Variants in RMDN2 observed in about 807,000 individuals in gnomAD.
The protein encoded by RMDN2 is regulator of microtubule dynamics protein 2.
RMDN2 carries 61 observed loss-of-function variants against 52.8 expected under a neutral mutation model. The observed-to-expected ratio is 1.16, with a 90% CI of 0.94 to 1.43. The LOEUF (loss-of-function observed/expected upper bound fraction) is 1.43, where lower values mean the gene tolerates loss of function less well. Among genes scored for constraint, RMDN2 ranks in the 40% most tolerant of loss-of-function variants. The pLI, the probability that RMDN2 is intolerant of heterozygous loss-of-function variation, is 0.00. For missense variants in RMDN2, 592 were observed against 475.3 expected (o/e 1.25, Z -2.28); for synonymous variants, 180 against 153.1 (o/e 1.18, Z -1.30).
At chr2:38,009,971 G>A (rs1225087939) in intron 10 of RMDN2, among the ~76,000 whole-genome samples, 1 of 152,142 alleles carries the variant, frequency 6.6e-6, no homozygotes, top group Non-Finnish European at 1.5e-5. Context: ...TTTGCTGGAG[G>A]TCCACTCCAG....
intron 2 of RMDN2, among the ~76,000 whole-genome samples, chr2:37,930,756 G>A (rs1003391155): frequency 6.6e-6 from 1 of 152,192 alleles, no homozygotes; most frequent in African/African-American, 2.4e-5. Context: ...GGCCTTCCCT[G>A]GTGGACTCCA....
Position 38,040,983 on chromosome 2 carries a change from GC to G in RMDN2, c.1714-25998del, listed in dbSNP as rs553541439. Among the ~76,000 whole-genome samples, 32 of 152,254 alleles carry G rather than the reference GC, an allele frequency of 2.1e-4. No individual in the cohort carries two copies. In the South Asian group the frequency reaches 6.4e-3, roughly 31 times the overall value. On this transcript the variant is annotated intron_variant, in intron 10 of 10. Coordinates refer to the RMDN2 transcript ENST00000234195. ...ATTTCATTTTTGTGCTATTGGAAATGCTATTGTGTTTTTAATTTCAAATTCC... is the reference window on the plus strand; with the variant it reads ...ATTTCATTTTTGTGCTATTGGAAATGTATTGTGTTTTTAATTTCAAATTCC...
intron 2 of RMDN2, among the ~76,000 whole-genome samples, chr2:37,965,738 G>T (rs1011849222): frequency 1.3e-5 from 2 of 152,082 alleles, no homozygotes; most frequent in Admixed American, 6.5e-5. Flanking sequence ...TCAAGTGACT[G>T]TCTAAGGTCC....
At chr2:38,007,704 C>T (rs761763236) in intron 10 of RMDN2, among the ~76,000 whole-genome samples, 11 of 152,018 alleles carry the variant, frequency 7.2e-5, no homozygotes, top group African/African-American at 2.7e-4. Flanking sequence ...TCTCTGTTTC[C>T]TTCAGTTCTG....
chr2:38,006,147 G>T (rs1426947055), intron 10 of RMDN2, among the ~76,000 whole-genome samples: 1 of 152,172 alleles, frequency 6.6e-6, no homozygotes, highest in Non-Finnish European at 1.5e-5. Flanking sequence ...GATGCCTCCA[G>T]CTTTGTTCTT....
intron 2 of RMDN2, among the ~76,000 whole-genome samples, chr2:37,954,910 T>C (rs1399706054): frequency 2.6e-5 from 4 of 152,132 alleles, no homozygotes; most frequent in Admixed American, 2.6e-4. Flanking sequence ...AGGTTTTTCA[T>C]CTCCTTAGTT....
rs545773745 is a variant in RMDN2, at chr2:37,938,647, A to G, written c.452+8918A>G. Among the ~76,000 whole-genome samples, 10 of 152,160 alleles carry G rather than the reference A, an allele frequency of 6.6e-5. No homozygotes were observed. The East Asian group carries it at 1.9e-3, about 29-fold the overall frequency. ...GGAGGGTGTATGTGTCCAGGAATTT[A>G]TCCGTTTCTTGTAGATTTTCTAGTT... On this transcript the variant is annotated intron_variant, in intron 2 of 10. Coordinates refer to ENST00000354545, the MANE Select transcript of RMDN2 (RefSeq NM_001170791.3).
At chr2:37,924,653 C>T (rs576383469), upstream of RMDN2, among the ~76,000 whole-genome samples, 6 of 152,362 alleles carry the variant, frequency 3.9e-5, no homozygotes, top group African/African-American at 1.2e-4. Context: ...AGGCGTGACC[C>T]ACCGCGCCCG....
intron 7 of RMDN2, among the ~76,000 whole-genome samples, chr2:37,993,799 T>C (rs1033686095): frequency 6.6e-6 from 1 of 152,048 alleles, no homozygotes; most frequent in Non-Finnish European, 1.5e-5. Context: ...ATAAAATTTA[T>C]TCAGCACAAG....
intron 2 of RMDN2, among the ~76,000 whole-genome samples, chr2:37,972,325 A>T (rs1671913359): frequency 6.6e-6 from 1 of 152,194 alleles, no homozygotes; most frequent in African/African-American, 2.4e-5. Context: ...TATGCAAAGA[A>T]ATAAACTATA....
At chr2:38,066,580 C>T (rs989501833) in intron 10 of RMDN2, among the ~76,000 whole-genome samples, 24 of 152,152 alleles carry the variant, frequency 1.6e-4, no homozygotes, top group Admixed American at 3.3e-4. Context: ...TGCAGAAAAA[C>T]AGACTGGCGT....
At chr2:37,999,355 C>A (rs189010392) in intron 8 of RMDN2, among the ~76,000 whole-genome samples, 89 of 152,286 alleles carry the variant, frequency 5.8e-4, no homozygotes, top group Non-Finnish European at 1.1e-3. Context: ...TACATTCTTA[C>A]AAGTAAATTG....
chr2:38,062,420 C>T (rs891779075), intron 10 of RMDN2, among the ~76,000 whole-genome samples: 3 of 152,016 alleles, frequency 2.0e-5, no homozygotes, highest in Admixed American at 6.6e-5. Flanking sequence ...TTTTTATTAC[C>T]GAGTAGTATT....
chr2:37,948,256 C>T (rs1668388613), intron 2 of RMDN2, among the ~76,000 whole-genome samples: 1 of 152,158 alleles, frequency 6.6e-6, no homozygotes, highest in African/African-American at 2.4e-5. Context: ...CTCTTATACA[C>T]CCTAACATTT....
chr2:38,030,361 T>C (rs1203462584), intron 10 of RMDN2: 3 of 152,192 alleles, frequency 2.0e-5, no homozygotes, highest in African/African-American at 7.2e-5. Context: ...TCTTATCCCA[T>C]TTCTAGGCTT....
chr2:38,059,986 C>T (rs1399764152), intron 10 of RMDN2, among the ~76,000 whole-genome samples: 2 of 152,138 alleles, frequency 1.3e-5, no homozygotes, highest in South Asian at 2.1e-4. Context: ...CAACCTCCGC[C>T]TCTCAGGTTC....
At chr2:38,031,309 C>T (rs1680187305) in intron 10 of RMDN2, among the ~76,000 whole-genome samples, 1 of 134,638 alleles carries the variant, frequency 7.4e-6, no homozygotes, top group African/African-American at 2.9e-5. Context: ...GTTGCCCAGG[C>T]TGGAGTGCAG....
upstream of RMDN2, among the ~76,000 whole-genome samples, chr2:37,922,803 G>C (rs116742376): frequency 1.3e-4 from 20 of 152,272 alleles, no homozygotes; most frequent in African/African-American, 4.8e-4. Flanking sequence ...TGAAGTGGTT[G>C]AATTGGTTTT....
At chr2:37,991,412 A>T (rs1674774356) in intron 7 of RMDN2, 115 bp downstream of exon 7, 1 of 385,822 alleles carries the variant, frequency 2.6e-6, no homozygotes, top group Non-Finnish European at 4.6e-6. Flanking sequence ...GGAGAATTAT[A>T]ATAGCAATAA....
Sources: allele counts gnomAD v4.1 joint callset (sites outside exome capture counted in the v4.1 genomes callset), GRCh38; gene constraint gnomAD v4.1.1; transcripts MANE v1.5; gene names NCBI Gene and HGNC (gene_info 2026-07-23, HGNC 2026-07-21).